COPB1: variants seen among roughly 807,000 people sequenced by gnomAD.
COPB1 encodes coatomer subunit beta.
In COPB1, 21 loss-of-function variants were observed where a neutral mutation model predicts 108.7. That is an observed-to-expected ratio of 0.19 (90% CI 0.14 to 0.28). The LOEUF is 0.28. Among genes scored for constraint, COPB1 ranks in the 10% least tolerant of loss-of-function variants. The pLI is 1.00. For missense variants in COPB1, 919 were observed against 1,141.3 expected, an observed-to-expected ratio of 0.81 and a Z score of 2.81; for synonymous variants, 378 against 386.8, an observed-to-expected ratio of 0.98 and a Z score of 0.27.
intron 10 of COPB1, 123 bp downstream of exon 10, chr11:14,480,636 C>G (rs1850640604): frequency 1.2e-6 from 1 of 861,362 alleles, no homozygotes. Flanking sequence ...ATATAAAGAT[C>G]ACTTCTCACC....
In COPB1 at chr11:14,468,756, C is replaced by T; in HGVS notation, c.2070G>A (p.Gln690=). The T allele has an allele frequency of 1.2e-6, 2 of 1,614,170 alleles. No individual in the cohort carries two copies. The highest frequency in any genetic ancestry group is 1.3e-5 in the African/African-American group (1 of 75,050). Reference sequence around the variant, plus strand: ...TACCCATTGCTGCCAGTAAACTCAGCTGAAACTGATCTTCCTTGCAGTTCA... The same window carrying T: ...TACCCATTGCTGCCAGTAAACTCAGTTGAAACTGATCTTCCTTGCAGTTCA... ...NEMNCKEDQF[Q]LSLLAAMGNT... Residue 690 remains glutamine (Q), a synonymous_variant, in exon 16 of 22, where the codon CAG becomes CAA. Transcript: ENST00000439561.
chr11:14,461,156 G>A (rs762387356), intron 19 of COPB1, 30 bp downstream of exon 19: 11 of 1,613,662 alleles, frequency 6.8e-6, no homozygotes, highest in South Asian at 1.1e-5. Context: ...GAAAGATAAA[G>A]GAATATGAGA....
intron 14 of COPB1, among the ~76,000 whole-genome samples, chr11:14,473,137 GC>G (rs1554963556): frequency 6.6e-6 from 1 of 151,898 alleles, no homozygotes; most frequent in Non-Finnish European, 1.5e-5. Context: ...ACCACACCTG[GC>G]TAATTTTTGT....
chr11:14,479,617 A>G lies in COPB1; in HGVS notation c.1310T>C (p.Leu437Pro), dbSNP rs1336409222. The G allele has an allele frequency of 6.2e-7, 1 of 1,613,576 alleles. No individual in the cohort carries two copies. The highest frequency in any genetic ancestry group is 8.5e-7 in the Non-Finnish European group (1 of 1,179,728). Residue 437 changes from leucine to proline, a missense_variant, in exon 11 of 22, where the codon CTT becomes CCT. Leu to Pro is a moderately conservative substitution (Grantham distance 98, BLOSUM62 -3). Coordinates refer to ENST00000439561, the MANE Select transcript of COPB1 (RefSeq NM_001144061.2). ...AIQRFDNLRM[L>P]IVEKMLEVFH... is the part of the protein sequence containing the mutation. ...GACTTCAAGCATCTTCTCAACAATA[A>G]GCATTCTCAGGTTATCAAAGCGCTG...
Position 14,457,654 on chromosome 11 carries a change from A to G in COPB1, c.*170T>C. 1 of 588,436 alleles carries G rather than the reference A, an allele frequency of 1.7e-6. No homozygotes were observed. The highest frequency in any genetic ancestry group is 3.1e-6 in the Non-Finnish European group (1 of 324,240). The allele number at this position is 588,436 out of a possible 1,614,324, so 36.5% of individuals were successfully genotyped here. On this transcript the variant is annotated 3_prime_UTR_variant, in exon 22 of 22. Coordinates refer to ENST00000439561, the MANE Select transcript of COPB1 (RefSeq NM_001144061.2). ...GAACTGTTAAGACAAAAGACAAACT[A>G]TAATTTTAAACTCAATCTTGATTTA... is the stretch of plus-strand genomic sequence containing the variant.
Position 14,482,889 on chromosome 11 carries a change from T to A in COPB1, c.957+143A>T, listed in dbSNP as rs978321298. On this transcript the variant is annotated intron_variant, in intron 8 of 21. Coordinates refer to ENST00000439561, the MANE Select transcript of COPB1 (RefSeq NM_001144061.2). ...TAATACCCCAAAAGGCTATGATGAC[T>A]CAATAGTTAACACTTTAGCTGATCA... 6 of 653,948 alleles carry A rather than the reference T, an allele frequency of 9.2e-6. No individual in the cohort carries two copies. The African/African-American group carries it at 1.1e-4, about 12-fold the overall frequency. The allele number at this position is 653,948 out of a possible 1,614,324, so 40.5% of individuals were successfully genotyped here.
Position 14,490,617 on chromosome 11 carries a change from T to G in COPB1, c.554A>C (p.Lys185Thr), listed in dbSNP as rs750453326. 6.2e-7 allele frequency: 1 copy of G among 1,613,420 alleles called. No homozygotes were observed. Residue 185 changes from lysine to threonine, a missense_variant, in exon 5 of 22, where the codon AAG becomes ACG. Coordinates refer to ENST00000439561, the MANE Select transcript of COPB1 (RefSeq NM_001144061.2). ...TGCATTCCTTTTGCAACTTGCATCC[T>G]TCTCATTCACCAGAAAATCATGTAT... ...ELIHDFLVNE[K>T]DASCKRNAFM... is the part of the protein sequence containing the mutation.
intron 7 of COPB1, among the ~76,000 whole-genome samples, chr11:14,483,429 ATACT>A (rs1351531831): frequency 3.9e-5 from 6 of 152,282 alleles, no homozygotes; most frequent in Admixed American, 2.6e-4. Flanking sequence ...ATAGGTAGAC[ATACT>A]TACTAACAGC....
rs1211745428 is a variant in COPB1, at chr11:14,498,846, T to C, written c.83A>G (p.Asn28Ser). The C allele has an allele frequency of 6.3e-7, 1 of 1,598,574 alleles. No homozygotes were observed. The highest frequency in any genetic ancestry group is 1.8e-5 in the Admixed American group (1 of 57,110). ...SEPPSEISLK[N>S]DLEKGDVKSK... ...ATAATATCGAAGTTTACCTAGATCA[T>C]TTTTTAAGCTAATTTCAGATGGTGG... Residue 28 changes from asparagine (N) to serine (S), a missense_variant, in exon 2 of 22, where the codon AAT (asparagine) becomes AGT (serine). Physicochemically the swap from Asn to Ser is conservative, Grantham distance 46. Coordinates refer to ENST00000439561, the MANE Select transcript of COPB1 (RefSeq NM_001144061.2).
intron 7 of COPB1, among the ~76,000 whole-genome samples, chr11:14,485,925 A>C (rs1197278411): frequency 6.6e-6 from 1 of 152,206 alleles, no homozygotes; most frequent in Non-Finnish European, 1.5e-5. Context: ...AAAAAAGAAA[A>C]TGTTAAGAAA....
chr11:14,484,955 A>G (rs953105588), intron 7 of COPB1, among the ~76,000 whole-genome samples: 15 of 151,388 alleles, frequency 9.9e-5, no homozygotes, highest in Non-Finnish European at 1.6e-4. Context: ...AAAGGTAAAT[A>G]CTCTATTATT....
In COPB1 at chr11:14,498,952, A is replaced by T. The variant is rs746214905; in HGVS notation, c.-24T>A. On this transcript the variant is annotated 5_prime_UTR_variant, in exon 2 of 22. In the 5' UTR this introduces an upstream ATG that the reference lacks. Coordinates refer to ENST00000439561, the MANE Select transcript of COPB1 (RefSeq NM_001144061.2). The stretch of plus-strand genomic sequence containing the variant: ...ATGGTTTCTGGTTATATTATAACCA[A>T]TCCTTGACACAAGATTTAAGGATGC... 6.4e-7 allele frequency: 1 copy of T among 1,558,328 alleles called. No individual in the cohort carries two copies. The highest frequency in any genetic ancestry group is 1.4e-5 in the African/African-American group (1 of 73,116).
intron 11 of COPB1, among the ~76,000 whole-genome samples, chr11:14,479,241 T>C (rs535756691): frequency 6.6e-6 from 1 of 152,300 alleles, no homozygotes; most frequent in South Asian, 2.1e-4. Flanking sequence ...ATCTTTCTCT[T>C]CATTAAATGT....
intron 7 of COPB1, among the ~76,000 whole-genome samples, chr11:14,485,758 G>C (rs1464685788): frequency 1.3e-5 from 2 of 152,134 alleles, no homozygotes. Context: ...TGAGGCAGGA[G>C]AATTGCTTAA....
At chr11:14,476,005 T>C in intron 12 of COPB1, 60 bp from the exon 13 acceptor site, 1 of 1,394,690 alleles carries the variant, frequency 7.2e-7, no homozygotes. Flanking sequence ...AAAATTATCT[T>C]TAAATATTTG....
At chr11:14,467,618 C>T (rs1169576996) in intron 16 of COPB1, among the ~76,000 whole-genome samples, 3 of 152,112 alleles carry the variant, frequency 2.0e-5, no homozygotes, top group Non-Finnish European at 4.4e-5. Context: ...TTCACAGTAA[C>T]CAAAAGGCAG....
chr11:14,466,617 T>C (rs1850286557), intron 16 of COPB1, among the ~76,000 whole-genome samples, 191 bp from the exon 17 acceptor site: 1 of 152,202 alleles, frequency 6.6e-6, no homozygotes, highest in African/African-American at 2.4e-5. Context: ...TAACAGGTCC[T>C]AGAGTTTAAG....
chr11:14,473,676 TGATAACA>T (rs898989749), intron 14 of COPB1, among the ~76,000 whole-genome samples: 70 of 152,262 alleles, frequency 4.6e-4, no homozygotes, highest in African/African-American at 1.6e-3. Flanking sequence ...TAAAGATCAC[TGATAACA>T]GATCACCATA....
At chr11:14,461,449 C>A (rs2134092532) in intron 18 of COPB1, 118 bp from the exon 19 acceptor site, 6 of 1,013,208 alleles carry the variant, frequency 5.9e-6, no homozygotes, top group Non-Finnish European at 8.5e-6. Context: ...TTATATAATA[C>A]TTATTATGTA....
Sources: gnomAD v4.1 joint callset for allele counts (sites outside exome capture counted in the v4.1 genomes callset) on GRCh38, gnomAD v4.1.1 for gene constraint, MANE v1.5 for transcripts, NCBI Gene and HGNC (gene_info 2026-07-23, HGNC 2026-07-21) for gene names.